Variants in ZFHX3 observed in about 807,000 individuals in gnomAD.
The protein encoded by ZFHX3 is zinc finger homeobox 3, also known as zinc finger homeobox protein 3.
ZFHX3 carries 42 observed loss-of-function variants against 279.1 expected under a neutral mutation model. That is an observed-to-expected ratio of 0.15 (90% CI 0.12 to 0.19). The LOEUF is 0.19. Among genes scored for constraint, ZFHX3 ranks in the 10% least tolerant of loss-of-function variants. The pLI is 1.00. For missense variants in ZFHX3, 4,981 were observed against 4,754.0 expected (o/e 1.05, Z -1.40); for synonymous variants, 2,293 against 1,957.8 (o/e 1.17, Z -4.52).
chr16:73,381,388 ATATGACTAGCTG>A (rs1405656519), intron 3 of ZFHX3, among the ~76,000 whole-genome samples: 9 of 152,314 alleles, frequency 5.9e-5, no homozygotes, highest in African/African-American at 2.2e-4. Context: ...GTGATGAGGG[ATATGACTAGCTG>A]TATATAAAGC....
chr16:72,812,809 G>A (rs182234837), intron 5 of ZFHX3, among the ~76,000 whole-genome samples: 1 of 152,292 alleles, frequency 6.6e-6, no homozygotes, highest in East Asian at 1.9e-4. Flanking sequence ...ATTTAAAGAG[G>A]AGTGGCCCAT....
chr16:73,457,321 T>C (rs2143572931), intron 2 of ZFHX3, among the ~76,000 whole-genome samples: 1 of 152,312 alleles, frequency 6.6e-6, no homozygotes, highest in African/African-American at 2.4e-5. Context: ...GTCTGGTCTT[T>C]CAGGGACAGT....
chr16:73,192,110 C>T (rs1256734659), intron 5 of ZFHX3, among the ~76,000 whole-genome samples: 2 of 152,102 alleles, frequency 1.3e-5, no homozygotes, highest in East Asian at 1.9e-4. Flanking sequence ...GGGTGCCTTC[C>T]TCCCTGGCAC....
At chr16:72,891,998 G>C (rs1363474728) in intron 3 of ZFHX3, among the ~76,000 whole-genome samples, 1 of 152,224 alleles carries the variant, frequency 6.6e-6, no homozygotes, top group South Asian at 2.1e-4. Context: ...AGAATGGTTA[G>C]AATGCCCTGC....
Position 72,811,719 on chromosome 16 carries a change from T to C in ZFHX3, c.3722A>G (p.His1241Arg). Residue 1241 changes from histidine to arginine, a missense_variant, in exon 7 of 10, where the codon CAT becomes CGT. His to Arg is a conservative substitution (Grantham distance 29, BLOSUM62 0). Around this residue, in one of 7 missense-constraint regions of ZFHX3, gnomAD observed 1,751 missense variants for 1,770.0 expected, o/e 0.99. Transcript: ENST00000268489. ...TTGCACCGAGTGCTGCGTCATGGCA[T>C]GCACCCGGAGCCGGTTGACATCGGC... is the stretch of plus-strand genomic sequence containing the variant. ...SNADVNRLRV[H>R]AMTQHSVQPM... 1 of 1,614,106 alleles carries C rather than the reference T, an allele frequency of 6.2e-7. No individual in the cohort carries two copies. Among genetic ancestry groups the C allele is most frequent in the Non-Finnish European group, 8.5e-7 (1 of 1,180,016 alleles).
intron 3 of ZFHX3, among the ~76,000 whole-genome samples, chr16:73,399,861 T>TGTGC (rs2017213755): frequency 6.6e-6 from 1 of 151,120 alleles, no homozygotes; most frequent in Non-Finnish European, 1.5e-5. Flanking sequence ...TGTGTGTGTG[T>TGTGC]GTGTCTAGAT....
chr16:72,798,442 C>T lies in ZFHX3; in HGVS notation c.4240G>A (p.Glu1414Lys), dbSNP rs375134893. Residue 1414 changes from glutamate to lysine, a missense_variant, in exon 9 of 10, where the codon GAA becomes AAA. Glu to Lys is a moderately conservative substitution (Grantham distance 56). This residue lies in a region of ZFHX3 where 1,751 missense variants were observed against 1,770.0 expected (regional missense o/e 0.99). Coordinates refer to ENST00000268489, the MANE Select transcript of ZFHX3 (RefSeq NM_006885.4). ...NQCSLAFKTI[E>K]KLQLHSQYHV... ...TACTGAGAATGGAGCTGCAACTTTTCAATGGTCTTGAAGGCCAGGCTACAC... is the reference window on the plus strand; with the variant it reads ...TACTGAGAATGGAGCTGCAACTTTTTAATGGTCTTGAAGGCCAGGCTACAC... 4 of 1,614,098 alleles carry T rather than the reference C, an allele frequency of 2.5e-6. No individual in the cohort carries two copies. The highest frequency in any genetic ancestry group is 2.7e-5 in the African/African-American group (2 of 74,934).
At position 72,811,958 on chromosome 16, in the gene ZFHX3, A is replaced by G. The variant is rs371794404; in HGVS notation, c.3610T>C (p.Ser1204Pro). ...TTTGGTCGCTTCGAAGAGAGGGGAG[A>G]CTCTGAGCTACCTGGGAAGGAGATG... Reference protein sequence around the residue: ...KRISFPGSSESPLSSKRPKTA... With the variant: ...KRISFPGSSEPPLSSKRPKTA... Residue 1204 changes from serine to proline, a missense_variant, in exon 6 of 10, where the codon TCT becomes CCT. Physicochemically the swap from Ser to Pro is moderately conservative, Grantham distance 74. Transcript: ENST00000268489. 5.6e-6 allele frequency: 9 copies of G among 1,613,716 alleles called. No individual in the cohort carries two copies. Among genetic ancestry groups the G allele is most frequent in the Admixed American group, 1.7e-5 (1 of 59,974 alleles).
intron 1 of ZFHX3, among the ~76,000 whole-genome samples, chr16:73,876,303 C>G (rs1039890617): frequency 9.2e-5 from 14 of 152,278 alleles, no homozygotes; most frequent in Middle Eastern, 3.4e-3. Context: ...AAAACAAAAC[C>G]TCTGGAAAAA....
intron 4 of ZFHX3, among the ~76,000 whole-genome samples, chr16:72,881,440 T>C (rs905187153): frequency 6.6e-6 from 1 of 151,938 alleles, no homozygotes; most frequent in African/African-American, 2.4e-5. Context: ...TTGAAGGGGG[T>C]TCCTTAACAT....
intron 3 of ZFHX3, among the ~76,000 whole-genome samples, chr16:72,916,414 G>A (rs1026427235): frequency 2.6e-5 from 4 of 152,182 alleles, no homozygotes; most frequent in African/African-American, 7.2e-5. Flanking sequence ...GGAGGAAAAT[G>A]CCTGCAGTAA....
At chr16:73,081,096 C>G (rs1317823403) in intron 8 of ZFHX3, 1 of 152,174 alleles carries the variant, frequency 6.6e-6, no homozygotes, top group Non-Finnish European at 1.5e-5. Flanking sequence ...CTTTATCTTG[C>G]AACATATGAT....
At chr16:73,413,349 T>C (rs2017507374) in intron 3 of ZFHX3, among the ~76,000 whole-genome samples, 1 of 152,092 alleles carries the variant, frequency 6.6e-6, no homozygotes, top group African/African-American at 2.4e-5. Context: ...AAATGTGACC[T>C]GTACATAAGG....
chr16:72,923,524 T>C (rs981280796), intron 3 of ZFHX3, among the ~76,000 whole-genome samples: 70 of 152,020 alleles, frequency 4.6e-4, no homozygotes, highest in Non-Finnish European at 3.2e-4. Flanking sequence ...CCTCACATTA[T>C]TTATAAAATC....
chr16:72,788,687 G>GCT lies in ZFHX3; in HGVS notation c.9588_9589insAG (p.Gln3197SerfsTer45), dbSNP rs754285553. 760 of 1,612,530 alleles carry GCT rather than the reference G, an allele frequency of 4.7e-4. 4 individuals carry two copies. In the East Asian group the frequency reaches 8.4e-3, roughly 18 times the overall value. On this transcript the variant is annotated frameshift_variant, in exon 10 of 10. Transcript: ENST00000268489. LOFTEE classifies it high-confidence loss of function. Reference sequence around the variant, plus strand: ...GGTTGCTGCTGCTGCTGCTGCTGCTGGGGGGGTTGCTGAGGGCCCATCGCC... The same window carrying GCT: ...GGTTGCTGCTGCTGCTGCTGCTGCTGCTGGGGGGTTGCTGAGGGCCCATCGCC...
chr16:73,621,690 C>G (rs760087841), intron 2 of ZFHX3, among the ~76,000 whole-genome samples: 2 of 152,160 alleles, frequency 1.3e-5, no homozygotes, highest in Non-Finnish European at 2.9e-5. Context: ...CTGCATAATT[C>G]TCAACTCCAG....
chr16:72,959,074 T>A lies in ZFHX3; in HGVS notation c.1072A>T (p.Ile358Leu). The A allele has an allele frequency of 7.4e-6, 12 of 1,614,084 alleles. No individual in the cohort carries two copies. Among genetic ancestry groups the A allele is most frequent in the Non-Finnish European group, 1.0e-5 (12 of 1,179,942 alleles). Reference sequence around the variant, plus strand: ...CCATAAAAACTGTGTCCGGGGCCTATGAGGTTAGCTGTGGAAACTAAAGGG... The same window carrying A: ...CCATAAAAACTGTGTCCGGGGCCTAAGAGGTTAGCTGTGGAAACTAAAGGG... ...QHPLVSTANL[I>L]GPGHSFYGKF... Residue 358 changes from isoleucine (I) to leucine (L), a missense_variant, in exon 2 of 10, where the codon ATA becomes TTA. Ile to Leu is a conservative substitution (Grantham distance 5). Around this residue, in one of 7 missense-constraint regions of ZFHX3, gnomAD observed 1,068 missense variants for 935.2 expected, o/e 1.14. Coordinates refer to ENST00000268489, the MANE Select transcript of ZFHX3 (RefSeq NM_006885.4).
chr16:72,817,746 G>A (rs955295867), intron 5 of ZFHX3, among the ~76,000 whole-genome samples: 5 of 152,124 alleles, frequency 3.3e-5, no homozygotes, highest in African/African-American at 4.8e-5. Flanking sequence ...GGTAATCACC[G>A]AAGTGCTGAT....
intron 4 of ZFHX3, among the ~76,000 whole-genome samples, chr16:72,853,718 G>C (rs1220877010): frequency 6.6e-6 from 1 of 152,222 alleles, no homozygotes; most frequent in Non-Finnish European, 1.5e-5. Context: ...ATGCAAATCA[G>C]ATTCAGGAGG....
Sources: gnomAD v4.1 joint callset for allele counts (sites outside exome capture counted in the v4.1 genomes callset) on GRCh38, gnomAD v4.1.1 for gene constraint, gnomAD v4.1.1 regional missense constraint, MANE v1.5 for transcripts, NCBI Gene and HGNC (gene_info 2026-07-23, HGNC 2026-07-21) for gene names.